The following HECW2 variants were observed in gnomAD, a reference collection of about 807,000 sequenced individuals.
HECW2 encodes HECT, C2 and WW domain containing E3 ubiquitin protein ligase 2.
In HECW2, 61 loss-of-function variants were observed where a neutral mutation model predicts 175.2. That is an observed-to-expected ratio of 0.35 (90% CI 0.28 to 0.43). The LOEUF (loss-of-function observed/expected upper bound fraction) is 0.43, where lower values mean the gene tolerates loss of function less well. HECW2 is among the 20% of genes least tolerant of loss of function. The probability of loss-of-function intolerance (pLI) is 1.00; values close to 1 mark genes in which losing one functional copy is unlikely to be tolerated. For synonymous variants in HECW2, 671 were observed against 731.0 expected (o/e 0.92, Z 1.32); for missense variants, 1,524 against 2,000.5 (o/e 0.76, Z 4.54).
rs1171093670 is a variant in HECW2 at position 196,523,045 on chromosome 2, T to C, written c.-36+70463A>G. On this transcript the variant is annotated intron_variant, in intron 1 of 28. Coordinates refer to ENST00000644978, the MANE Select transcript of HECW2 (RefSeq NM_001348768.2). The stretch of plus-strand genomic sequence containing the variant: ...CATTGGTAGCTTGATGGGGATGGCA[T>C]TGAATCTGTAAATTACCTTGGGCAG... 6.1e-4 allele frequency among the ~76,000 whole-genome samples: 93 copies of C among 151,772 alleles called. No homozygotes were observed. The East Asian group carries it at 8.9e-3, about 15-fold the overall frequency.
At chr2:196,310,819 G>C (rs914719940) in intron 10 of HECW2, among the ~76,000 whole-genome samples, 4 of 148,268 alleles carry the variant, frequency 2.7e-5, no homozygotes, top group African/African-American at 9.8e-5. Flanking sequence ...TAGAAGGCCT[G>C]ATTTCTGGCT....
At chr2:196,292,481 T>C in intron 14 of HECW2, 84 bp downstream of exon 14, 3 of 1,178,176 alleles carry the variant, frequency 2.5e-6, no homozygotes, top group East Asian at 2.4e-5. Flanking sequence ...GCCTTGGCCC[T>C]CACTTGAAGG....
intron 1 of HECW2, among the ~76,000 whole-genome samples, chr2:196,442,277 A>G (rs1172536179): frequency 6.6e-6 from 1 of 152,196 alleles, no homozygotes; most frequent in Non-Finnish European, 1.5e-5. Context: ...ATCAAAACAC[A>G]TTTTTAAAAA....
intron 21 of HECW2, among the ~76,000 whole-genome samples, chr2:196,234,594 ATCTAGGTAACTTTTT>A (rs745613718): frequency 3.9e-5 from 6 of 152,004 alleles, no homozygotes; most frequent in Non-Finnish European, 8.8e-5. Flanking sequence ...CATGCCTAGC[ATCTAGGTAACTTTTT>A]AAATCATATA....
intron 28 of HECW2, among the ~76,000 whole-genome samples, chr2:196,209,532 G>C (rs1330036767): frequency 1.3e-5 from 2 of 152,272 alleles, no homozygotes; most frequent in East Asian, 1.9e-4. Context: ...AGGGCAGAGG[G>C]GAAAGGAGTT....
rs185269729 is a variant in HECW2 at position 196,486,688 on chromosome 2, T to C, written c.-35-53230A>G. Among the ~76,000 whole-genome samples, 1,310 of 152,286 alleles carry C rather than the reference T, an allele frequency of 8.6e-3. 5 individuals are homozygous for C. Among genetic ancestry groups the C allele is most frequent in the Non-Finnish European group, 0.014 (960 of 68,018 alleles). On this transcript the variant is annotated intron_variant, in intron 1 of 28. Coordinates refer to ENST00000644978, the MANE Select transcript of HECW2 (RefSeq NM_001348768.2). ...TTGGACTATTTTTAGAGAGGTTTAA[T>C]GAATAGAATGATATTTTAACCTAGT...
At chr2:196,562,223 T>C (rs867149159) in intron 1 of HECW2, among the ~76,000 whole-genome samples, 1 of 152,166 alleles carries the variant, frequency 6.6e-6, no homozygotes, top group Admixed American at 6.5e-5. Flanking sequence ...GTTCCTTCCC[T>C]TTCCCAGCTT....
intron 4 of HECW2, among the ~76,000 whole-genome samples, chr2:196,332,094 C>T (rs1425174711): frequency 6.6e-6 from 1 of 151,508 alleles, no homozygotes; most frequent in Non-Finnish European, 1.5e-5. Context: ...ACAGAGAGGT[C>T]CCCCTTTTTT....
chr2:196,532,671 T>TA (rs112896110), intron 1 of HECW2, among the ~76,000 whole-genome samples: 4 of 150,458 alleles, frequency 2.7e-5, no homozygotes, highest in Non-Finnish European at 4.4e-5. Flanking sequence ...AAGTTAATAT[T>TA]AAAAAAAAAA....
intron 20 of HECW2, among the ~76,000 whole-genome samples, chr2:196,241,260 C>A (rs1472881686): frequency 6.6e-6 from 1 of 152,144 alleles, no homozygotes; most frequent in East Asian, 1.9e-4. Context: ...CATCCTAGAC[C>A]TTTGTAAGTT....
chr2:196,439,494 C>T (rs1025515689), intron 1 of HECW2, among the ~76,000 whole-genome samples: 1 of 152,178 alleles, frequency 6.6e-6, no homozygotes, highest in Non-Finnish European at 1.5e-5. Flanking sequence ...GTCATACAGG[C>T]CTTGAGTTAC....
At chr2:196,347,432 G>A (rs146982934) in intron 2 of HECW2, among the ~76,000 whole-genome samples, 36 of 152,052 alleles carry the variant, frequency 2.4e-4, no homozygotes, top group Middle Eastern at 3.4e-3. Flanking sequence ...GGCTGGTCTC[G>A]AACTCCTGAC....
intron 17 of HECW2, among the ~76,000 whole-genome samples, chr2:196,268,608 C>G: frequency 6.6e-6 from 1 of 152,174 alleles, no homozygotes. Context: ...CCTAATCTCT[C>G]TGATGGTGGA....
At chr2:196,551,166 C>T (rs887812982) in intron 1 of HECW2, among the ~76,000 whole-genome samples, 4 of 152,152 alleles carry the variant, frequency 2.6e-5, no homozygotes, top group African/African-American at 9.7e-5. Flanking sequence ...AGATAAATAG[C>T]TCCATAGGCT....
At chr2:196,249,804 C>A (rs1688789332) in intron 19 of HECW2, among the ~76,000 whole-genome samples, 1 of 152,188 alleles carries the variant, frequency 6.6e-6, no homozygotes, top group Non-Finnish European at 1.5e-5. Flanking sequence ...AAACAAAGCC[C>A]ACTGAAACAG....
intron 1 of HECW2, among the ~76,000 whole-genome samples, chr2:196,563,497 C>T (rs953694238): frequency 3.4e-5 from 5 of 147,268 alleles, no homozygotes; most frequent in East Asian, 4.0e-4. Flanking sequence ...ACCCAGGAGG[C>T]GGAGGTTGTA....
chr2:196,399,230 C>T (rs1385828875), intron 2 of HECW2, among the ~76,000 whole-genome samples: 1 of 150,234 alleles, frequency 6.7e-6, no homozygotes, highest in Non-Finnish European at 1.5e-5. Flanking sequence ...CTAATTTTTT[C>T]CCCAAGGATT....
intron 1 of HECW2, among the ~76,000 whole-genome samples, chr2:196,442,055 GTTAATT>G (rs1472663071): frequency 6.6e-6 from 1 of 152,036 alleles, no homozygotes; most frequent in Middle Eastern, 3.2e-3. Flanking sequence ...CCAAAAAATT[GTTAATT>G]TTAAAGACAG....
intron 1 of HECW2, among the ~76,000 whole-genome samples, chr2:196,506,342 G>A (rs1687760587): frequency 1.3e-5 from 2 of 152,074 alleles, no homozygotes; most frequent in East Asian, 3.8e-4. Context: ...TGCAGTAAAC[G>A]GTCACTTCGC....
Sources: allele counts gnomAD v4.1 joint callset (sites outside exome capture counted in the v4.1 genomes callset), GRCh38; gene constraint gnomAD v4.1.1; transcripts MANE v1.5; gene names NCBI Gene and HGNC (gene_info 2026-07-23, HGNC 2026-07-21).